SOX5: variants seen among roughly 807,000 people sequenced by gnomAD.
SOX5 encodes SRY-box transcription factor 5.
SOX5 carries 9 observed loss-of-function variants against 92.0 expected under a neutral mutation model. That is an observed-to-expected ratio of 0.10 (90% confidence interval 0.06 to 0.17). The LOEUF (loss-of-function observed/expected upper bound fraction) is 0.17. Ranked by LOEUF, SOX5 falls within the 10% of genes least tolerant of loss-of-function variation. SOX5 has a pLI of 1.00. For synonymous variants in SOX5, 344 were observed against 336.3 expected, an observed-to-expected ratio of 1.02 and a Z score of -0.25; for missense variants, 642 against 944.5, an observed-to-expected ratio of 0.68 and a Z score of 4.20.
intron 13 of SOX5, among the ~76,000 whole-genome samples, chr12:23,542,045 G>A (rs1384569677): frequency 6.6e-6 from 1 of 151,748 alleles, no homozygotes; most frequent in East Asian, 1.9e-4. Context: ...GGGAGGCGGA[G>A]GTTGCAGTGA....
intron 4 of SOX5, among the ~76,000 whole-genome samples, chr12:23,979,722 TTTTTTTTTTTTTG>T (rs1949345098): frequency 8.4e-6 from 1 of 119,284 alleles, no homozygotes; most frequent in African/African-American, 3.1e-5. Flanking sequence ...TTTTTTTTTT[TTTTTTTTTTTTTG>T]GAGACAGGGC....
intron 4 of SOX5, among the ~76,000 whole-genome samples, chr12:24,006,861 C>T (rs1011182398): frequency 3.3e-5 from 5 of 151,804 alleles, no homozygotes; most frequent in South Asian, 2.1e-4. Flanking sequence ...GAAGTGGGTG[C>T]GGTGCCTCAC....
chr12:23,690,691 T>C (rs548573775), intron 6 of SOX5, among the ~76,000 whole-genome samples: 1 of 152,336 alleles, frequency 6.6e-6, no homozygotes, highest in East Asian at 1.9e-4. Flanking sequence ...ACCTGTCGAA[T>C]GGCCTTGACC....
intron 4 of SOX5, among the ~76,000 whole-genome samples, chr12:23,747,815 C>G (rs1272393612): frequency 6.6e-6 from 1 of 152,028 alleles, no homozygotes; most frequent in East Asian, 1.9e-4. Context: ...CTTGAAATGA[C>G]TGGCTTTTTT....
chr12:23,617,884 C>G (rs1406577331), intron 8 of SOX5, among the ~76,000 whole-genome samples: 1 of 152,208 alleles, frequency 6.6e-6, no homozygotes, highest in African/African-American at 2.4e-5. Flanking sequence ...GATAGTTTCT[C>G]TTTCGCTCAC....
intron 4 of SOX5, among the ~76,000 whole-genome samples, chr12:24,100,485 G>A (rs943895504): frequency 2.0e-5 from 3 of 152,114 alleles, no homozygotes; most frequent in East Asian, 3.9e-4. Context: ...CTACATCACT[G>A]TTTCTTTCTC....
chr12:23,567,383 G>A (rs1283299636), intron 10 of SOX5, among the ~76,000 whole-genome samples: 1 of 151,598 alleles, frequency 6.6e-6, no homozygotes, highest in Admixed American at 6.6e-5. Flanking sequence ...AATGAGATTT[G>A]GAAAATGTGG....
At chr12:24,017,588 A>G (rs11047210) in intron 4 of SOX5, among the ~76,000 whole-genome samples, 7,402 of 152,212 alleles carry the variant, frequency 0.049, 249 homozygotes, top group Middle Eastern at 0.085. Context: ...TGACAGAGTG[A>G]GACTCTATCT....
At chr12:23,841,658 A>T (rs1284878677) in intron 3 of SOX5, among the ~76,000 whole-genome samples, 1 of 152,174 alleles carries the variant, frequency 6.6e-6, no homozygotes, top group East Asian at 1.9e-4. Context: ...GCCATGGAAG[A>T]ACCTTAAATT....
chr12:24,429,730 CT>C (rs1362300000), intron 1 of SOX5, among the ~76,000 whole-genome samples: 2 of 151,954 alleles, frequency 1.3e-5, no homozygotes, highest in African/African-American at 4.8e-5. Flanking sequence ...TCAATATGTT[CT>C]ACTCAATATC....
At chr12:24,334,555 A>G (rs989473157) in intron 2 of SOX5, among the ~76,000 whole-genome samples, 1 of 152,228 alleles carries the variant, frequency 6.6e-6, no homozygotes, top group African/African-American at 2.4e-5. Context: ...GCAAAGGGAC[A>G]GTGAGCCTAG....
chr12:23,828,382 T>G (rs955524543), intron 3 of SOX5, among the ~76,000 whole-genome samples: 2 of 152,210 alleles, frequency 1.3e-5, no homozygotes, highest in Non-Finnish European at 2.9e-5. Flanking sequence ...ATTATAAAAT[T>G]CTAAATATAT....
At chr12:23,708,041 C>T (rs2091625386) in intron 6 of SOX5, among the ~76,000 whole-genome samples, 1 of 152,018 alleles carries the variant, frequency 6.6e-6, no homozygotes, top group African/African-American at 2.4e-5. Context: ...TCTAGATTCT[C>T]CTCTCAATGA....
intron 3 of SOX5, among the ~76,000 whole-genome samples, chr12:23,838,859 G>C: frequency 1.2e-5 from 1 of 82,134 alleles, no homozygotes; most frequent in Admixed American, 1.6e-4. Flanking sequence ...GGGGGGGCGG[G>C]GATGGAGTCT....
chr12:24,361,854 T>C (rs1404871540), intron 2 of SOX5, among the ~76,000 whole-genome samples: 1 of 152,224 alleles, frequency 6.6e-6, no homozygotes, highest in Non-Finnish European at 1.5e-5. Flanking sequence ...AGTTCAGGCT[T>C]ACCTGAGTGT....
rs1256061230 is a variant in SOX5, at chr12:24,542,129, T to A, written c.-251+20200A>T. On this transcript the variant is annotated intron_variant, in intron 1 of 4. Transcript: ENST00000446891. ...TAAGAGGACCTACAAGATTCTATGA[T>A]ATATGACCCCTGCCTCCTCCAACCT... Among the ~76,000 whole-genome samples, 3 of 152,230 alleles carry A rather than the reference T, an allele frequency of 2.0e-5. No individual in the cohort carries two copies. The East Asian group carries it at 5.8e-4, about 29-fold the overall frequency.
Position 23,850,066 on chromosome 12 carries a change from C to T in SOX5, c.271-3873G>A, listed in dbSNP as rs73265686. Among the ~76,000 whole-genome samples the T allele has an allele frequency of 5.4e-3, 828 of 152,230 alleles. 8 individuals are homozygous for T. Among genetic ancestry groups the T allele is most frequent in the African/African-American group, 0.019 (790 of 41,550 alleles). ...AGATGAACTACAGATACACAGAGAA[C>T]GTACTTTGGTGCTCAACAAGTTTTG... On this transcript the variant is annotated intron_variant, in intron 2 of 14. Transcript: ENST00000451604.
At chr12:24,271,717 G>A (rs895299296) in intron 3 of SOX5, among the ~76,000 whole-genome samples, 6 of 152,064 alleles carry the variant, frequency 3.9e-5, no homozygotes, top group Admixed American at 6.6e-5. Flanking sequence ...CAGTATCCAC[G>A]TATTAAAAAT....
intron 2 of SOX5, among the ~76,000 whole-genome samples, chr12:24,319,087 G>A (rs1949971113): frequency 6.6e-6 from 1 of 152,160 alleles, no homozygotes; most frequent in Non-Finnish European, 1.5e-5. Flanking sequence ...TGAGGAAGAG[G>A]TGCTCTTCTT....
Sources: gnomAD v4.1 joint callset for allele counts (sites outside exome capture counted in the v4.1 genomes callset) on GRCh38, gnomAD v4.1.1 for gene constraint, MANE v1.5 for transcripts, NCBI Gene and HGNC (gene_info 2026-07-23, HGNC 2026-07-21) for gene names.